EEF1AKMT2: variants seen among roughly 807,000 people sequenced by gnomAD.
EEF1AKMT2 encodes the protein eukaryotic translation elongation factor 1 alpha lysine methyltransferase 2.
A neutral mutation model predicts 35.8 loss-of-function variants in EEF1AKMT2; 32 were observed. The ratio of observed to expected loss-of-function variants is 0.89; its 90% CI spans 0.67 to 1.20. The LOEUF (loss-of-function observed/expected upper bound fraction) is 1.20, where lower values mean the gene tolerates loss of function less well. Among genes scored for constraint, EEF1AKMT2 ranks in the 50% most tolerant of loss-of-function variants. The pLI is 0.00. For synonymous variants in EEF1AKMT2, 121 were observed against 133.7 expected (o/e 0.91, Z 0.65); for missense variants, 330 against 347.5 (o/e 0.95, Z 0.40).
At chr10:124,773,073 C>A (rs1176066196) in intron 4 of EEF1AKMT2, among the ~76,000 whole-genome samples, 1 of 152,228 alleles carries the variant, frequency 6.6e-6, no homozygotes, top group East Asian at 1.9e-4. Flanking sequence ...TTTCAACATG[C>A]CTTCCTCACT....
At chr10:124,767,690 T>C (rs1950391628) in intron 4 of EEF1AKMT2, among the ~76,000 whole-genome samples, 2 of 150,226 alleles carry the variant, frequency 1.3e-5, no homozygotes, top group Non-Finnish European at 3.0e-5. Context: ...TGGAAAAGAG[T>C]AGAAACTTTT....
intron 3 of EEF1AKMT2, among the ~76,000 whole-genome samples, chr10:124,778,141 C>T (rs540694852): frequency 1.8e-4 from 27 of 151,276 alleles, no homozygotes; most frequent in Non-Finnish European, 3.2e-4. Flanking sequence ...TAGTGAGCTC[C>T]GGAGTTGGAG....
chr10:124,768,689 G>A (rs1419000530), intron 4 of EEF1AKMT2, among the ~76,000 whole-genome samples: 1 of 152,078 alleles, frequency 6.6e-6, no homozygotes, highest in Non-Finnish European at 1.5e-5. Context: ...GGCCGAGGTT[G>A]CAGTGAGCCA....
rs149135673 is a variant in EEF1AKMT2, at chr10:124,790,298, C to T, written c.151G>A (p.Glu51Lys). 1.2e-6 allele frequency: 2 copies of T among 1,612,498 alleles called. No homozygotes were observed. The highest frequency in any genetic ancestry group is 2.7e-5 in the African/African-American group (2 of 74,870). The change falls in exon 2 of 7, where the codon GAA (glutamate) becomes AAA (lysine). Residue 51 changes from glutamate (E) to lysine (K), a missense_variant. Glu to Lys is a moderately conservative substitution (Grantham distance 56, BLOSUM62 1). Transcript: ENST00000368836. ...VYERELQTFR[E>K]YGDTGEIWFG... The stretch of plus-strand genomic sequence containing the variant: ...CAGATTTCACCTGTATCTCCATATT[C>T]TCGGAAAGTTTGCAGTTCTCTCTCA...
At position 124,761,194 on chromosome 10, in the gene EEF1AKMT2, G is replaced by C. The variant is rs1195457847; in HGVS notation, c.*-691C>G. On this transcript the variant is annotated intron_variant, in intron 6 of 6. Transcript: ENST00000368836. ...TGTGTTGAGTTCTTGCTAAGCGCCA[G>C]GCATTATTTTGAGTGCTTCATATGT... Among the ~76,000 whole-genome samples the C allele has an allele frequency of 2.0e-5, 3 of 152,154 alleles. No individual in the cohort carries two copies. In the East Asian group the frequency reaches 5.8e-4, roughly 29 times the overall value.
At chr10:124,782,918 T>G (rs1179478032) in intron 3 of EEF1AKMT2, 1 of 408,616 alleles carries the variant, frequency 2.4e-6, no homozygotes, top group South Asian at 1.8e-5. Flanking sequence ...ATACACCAGT[T>G]AAAGGTTAGA....
At chr10:124,775,403 G>A (rs935158329) in intron 3 of EEF1AKMT2, among the ~76,000 whole-genome samples, 4 of 152,140 alleles carry the variant, frequency 2.6e-5, no homozygotes, top group African/African-American at 9.7e-5. Flanking sequence ...TTTGGTGTTT[G>A]CTAGCCATTA....
chr10:124,765,545 T>C lies in EEF1AKMT2; in HGVS notation c.463A>G (p.Thr155Ala). ...SGFHICIDKG[T>A]FDAISLNPDN... ...GGATTAAGGCTTATGGCATCAAAAGTCCCTTTGTCAATACAAATATGAAAT... is the reference window on the plus strand; with the variant it reads ...GGATTAAGGCTTATGGCATCAAAAGCCCCTTTGTCAATACAAATATGAAAT... Residue 155 changes from threonine to alanine, a missense_variant, in exon 5 of 7, where the codon ACT (threonine) becomes GCT (alanine). By Grantham distance (58) the Thr-to-Ala change is moderately conservative (BLOSUM62 0). Transcript: ENST00000368836. 2 of 1,613,930 alleles carry C rather than the reference T, an allele frequency of 1.2e-6. No individual in the cohort carries two copies. The highest frequency in any genetic ancestry group is 1.7e-6 in the Non-Finnish European group (2 of 1,179,910).
intron 3 of EEF1AKMT2, among the ~76,000 whole-genome samples, chr10:124,775,182 T>C (rs1330782520): frequency 6.6e-6 from 1 of 152,212 alleles, no homozygotes; most frequent in East Asian, 1.9e-4. Flanking sequence ...TAATAAGCTA[T>C]CAATTTTTAA....
downstream of EEF1AKMT2, among the ~76,000 whole-genome samples, chr10:124,756,825 C>A (rs1950290003): frequency 6.6e-6 from 1 of 152,062 alleles, no homozygotes; most frequent in Non-Finnish European, 1.5e-5. Flanking sequence ...ATTTCTATGC[C>A]CTGAACATAG....
intron 3 of EEF1AKMT2, among the ~76,000 whole-genome samples, chr10:124,781,692 A>C (rs1312359845): frequency 6.6e-6 from 1 of 151,814 alleles, no homozygotes; most frequent in African/African-American, 2.4e-5. Flanking sequence ...AAACAAAAAA[A>C]ATTTGTTGCA....
intron 3 of EEF1AKMT2, among the ~76,000 whole-genome samples, chr10:124,785,182 G>A (rs1950574013): frequency 7.1e-6 from 1 of 141,254 alleles, no homozygotes; most frequent in Non-Finnish European, 1.5e-5. Flanking sequence ...AGGAGACAGA[G>A]GTTGCAGTGA....
intron 6 of EEF1AKMT2, among the ~76,000 whole-genome samples, chr10:124,762,019 G>C (rs1950335814): frequency 1.3e-5 from 2 of 152,156 alleles, no homozygotes; most frequent in South Asian, 4.1e-4. Flanking sequence ...CTTGAGGCAG[G>C]GGTGGGGTTC....
intron 6 of EEF1AKMT2, 25 bp downstream of exon 6, chr10:124,762,275 T>A: frequency 9.4e-7 from 1 of 1,059,740 alleles, no homozygotes; most frequent in Non-Finnish European, 1.2e-6. Context: ...TTTTAAAAAA[T>A]AAATAAAGCT....
chr10:124,789,268 C>T, intron 2 of EEF1AKMT2, 111 bp from the exon 3 acceptor site: 2 of 642,780 alleles, frequency 3.1e-6, no homozygotes, highest in South Asian at 4.2e-5. Flanking sequence ...AAAGTGAAAA[C>T]ATCTGTGACT....
intron 4 of EEF1AKMT2, among the ~76,000 whole-genome samples, chr10:124,772,050 G>T (rs555597337): frequency 3.9e-4 from 59 of 152,234 alleles, no homozygotes; most frequent in African/African-American, 1.3e-3. Context: ...AGGCTTTGTT[G>T]TTCCATTTAT....
At chr10:124,777,406 C>G (rs1589787694) in intron 3 of EEF1AKMT2, among the ~76,000 whole-genome samples, 1 of 152,124 alleles carries the variant, frequency 6.6e-6, no homozygotes, top group Non-Finnish European at 1.5e-5. Flanking sequence ...GAGCCCACTG[C>G]ACACTTAGGC....
At chr10:124,772,755 G>A (rs543199042) in intron 4 of EEF1AKMT2, among the ~76,000 whole-genome samples, 2 of 152,250 alleles carry the variant, frequency 1.3e-5, no homozygotes, top group African/African-American at 2.4e-5. Flanking sequence ...TAAATCTCAT[G>A]AACTAACTAC....
intron 4 of EEF1AKMT2, among the ~76,000 whole-genome samples, chr10:124,768,945 C>T (rs1209760643): frequency 6.6e-6 from 1 of 151,424 alleles, no homozygotes; most frequent in Non-Finnish European, 1.5e-5. Context: ...GAAGATAAAA[C>T]TGGCCAGAAG....
Sources: gnomAD v4.1 joint callset for allele counts (sites outside exome capture counted in the v4.1 genomes callset) on GRCh38, gnomAD v4.1.1 for gene constraint, MANE v1.5 for transcripts, NCBI Gene and HGNC (gene_info 2026-07-23, HGNC 2026-07-21) for gene names.